Variants in SPEG observed in about 807,000 individuals in gnomAD.
SPEG encodes striated muscle preferentially expressed protein kinase.
In SPEG, 114 loss-of-function variants were observed where a neutral mutation model predicts 300.4. That is an observed-to-expected ratio of 0.38 (90% confidence interval 0.33 to 0.44). The LOEUF (loss-of-function observed/expected upper bound fraction) is 0.44. Ranked by LOEUF, SPEG falls within the 20% of genes least tolerant of loss-of-function variation. SPEG has a pLI of 1.00. For synonymous variants in SPEG, 1,964 were observed against 2,018.9 expected, an observed-to-expected ratio of 0.97 and a Z score of 0.73; for missense variants, 4,201 against 4,586.2, an observed-to-expected ratio of 0.92 and a Z score of 2.43.
At chr2:219,438,034 C>T (rs185650199) in intron 1 of SPEG, among the ~76,000 whole-genome samples, 86 of 152,030 alleles carry the variant, frequency 5.7e-4, no homozygotes, top group African/African-American at 2.0e-3. Context: ...TATGTTAGCT[C>T]AAGGATGGAA....
rs563334739 is a variant in SPEG at position 219,445,619 on chromosome 2, C to T, written c.815+458C>T. 5.7e-4 allele frequency: 105 copies of T among 183,546 alleles called. No homozygotes were observed. Among genetic ancestry groups the T allele is most frequent in the African/African-American group, 2.4e-3 (101 of 41,884 alleles). The allele number at this position is 183,546 out of a possible 1,614,324, so 11.4% of individuals were successfully genotyped here. Reference sequence around the variant, plus strand: ...CTGGGAGGAACAGAACCTTTCCACACGGCAGCTCCCGGGAGAGCAGGAGAG... The same window carrying T: ...CTGGGAGGAACAGAACCTTTCCACATGGCAGCTCCCGGGAGAGCAGGAGAG... On this transcript the variant is annotated intron_variant, in intron 3 of 40. Transcript: ENST00000312358. This position sits in a 1 kb window ranked among gnomAD's most constrained non-coding sequence, Gnocchi z 6.1.
intron 29 of SPEG, 116 bp from the exon 30 acceptor site, chr2:219,482,982 G>A (rs1692997421): frequency 1.4e-6 from 2 of 1,420,432 alleles, no homozygotes; most frequent in African/African-American, 1.4e-5. Flanking sequence ...CTAGCTTCCT[G>A]CCTGTTCCCT....
At position 219,448,853 on chromosome 2, in the gene SPEG, G is replaced by C. The variant is rs1689519709; in HGVS notation, c.1695G>C (p.Gly565=). The C allele has an allele frequency of 1.4e-6, 2 of 1,402,182 alleles. No individual in the cohort carries two copies. Among genetic ancestry groups the C allele is most frequent in the Admixed American group, 3.3e-5 (1 of 30,568 alleles). 86.9% of individuals were successfully genotyped at this position (1,402,182 alleles called of 1,614,324 possible). A position where few individuals can be genotyped will look rare whatever the true frequency, so the allele number is the denominator to read the frequency against. Residue 565 remains glycine, a synonymous_variant, in exon 4 of 41, where the codon GGG becomes GGC. Coordinates refer to ENST00000312358, the MANE Select transcript of SPEG (RefSeq NM_005876.5). ...CTCCGAGCAGCGCGGAGAAGCCGGG[G>C]GACGAGCCTGGGAGGCCCAGGAGCC... ...PPSPSSAEKP[G]DEPGRPRSRG...
In SPEG at chr2:219,451,631, G is replaced by T; in HGVS notation, c.2264G>T (p.Trp755Leu). The T allele has an allele frequency of 6.4e-7, 1 of 1,561,704 alleles. No homozygotes were observed. Residue 755 changes from tryptophan (W) to leucine (L), a missense_variant, in exon 6 of 41, where the codon TGG becomes TTG. Physicochemically the swap from Trp to Leu is moderately conservative, Grantham distance 61. Around this residue, in one of 4 missense-constraint regions of SPEG, gnomAD observed 1,258 missense variants for 1,293.9 expected, o/e 0.97. Coordinates refer to ENST00000312358, the MANE Select transcript of SPEG (RefSeq NM_005876.5). The surrounding 1 kb of genome is among the most constrained non-coding windows in gnomAD (Gnocchi z 6.4). ...ITANPPPQVS[W>L]HKDGSALRSE... ...TCCCTGTGCCTCCCCACAGTGTCCT[G>T]GCACAAGGATGGGTCAGCGCTGCGC...
At position 219,460,373 on chromosome 2, in the gene SPEG, G is replaced by T. The variant is rs1298189720; in HGVS notation, c.2441-1509G>T. The T allele has an allele frequency of 5.1e-6, 5 of 985,338 alleles. No individual in the cohort carries two copies. The African/African-American group carries it at 8.7e-5, about 17-fold the overall frequency. 61.0% of individuals were successfully genotyped at this position (985,338 alleles called of 1,614,324 possible). ...CTCGTTAGCGCATTCCCCGGTCAGG[G>T]ATCTTGGTGGTTCCGTCAGAGCAAG... On this transcript the variant is annotated intron_variant, in intron 6 of 40. Transcript: ENST00000312358.
chr2:219,468,583 C>T lies in SPEG; in HGVS notation c.3148C>T (p.Leu1050=). Residue 1050 remains leucine, a synonymous_variant, in exon 11 of 41, where the codon CTG becomes TTG. Transcript: ENST00000312358. The part of the protein sequence containing the change: ...TCKLSTAKDE[L]TCSARLTVRP... ...AGCTGCCCCCTGCCCCACAGATGAG[C>T]TGACCTGCAGTGCCCGGCTGACCGT... is the stretch of plus-strand genomic sequence containing the variant. 2 of 1,612,312 alleles carry T rather than the reference C, an allele frequency of 1.2e-6. No individual in the cohort carries two copies. Among genetic ancestry groups the T allele is most frequent in the Non-Finnish European group, 1.7e-6 (2 of 1,179,804 alleles).
Position 219,445,094 on chromosome 2 carries a change from T to C in SPEG, c.748T>C (p.Ser250Pro). ...AAGCTGGGGGTCAGAGGATAGCCTT[T>C]CCGTGGCCAGTGACCTGTACGGCAG... ...GASWGSEDSL[S>P]VASDLYGSAF... is the part of the protein sequence containing the mutation. The change falls in exon 3 of 41, where the codon TCC (serine) becomes CCC (proline). Residue 250 changes from serine to proline, a missense_variant. Coordinates refer to ENST00000312358, the MANE Select transcript of SPEG (RefSeq NM_005876.5). This position sits in a 1 kb window ranked among gnomAD's most constrained non-coding sequence, Gnocchi z 6.1. 2 of 1,602,732 alleles carry C rather than the reference T, an allele frequency of 1.2e-6. No individual in the cohort carries two copies. Among genetic ancestry groups the C allele is most frequent in the East Asian group, 2.3e-5 (1 of 44,154 alleles).
In SPEG at chr2:219,461,395, G is replaced by C. The variant is rs1171134873; in HGVS notation, c.2441-487G>C. 3 of 1,002,420 alleles carry C rather than the reference G, an allele frequency of 3.0e-6. No individual in the cohort carries two copies. The African/African-American group carries it at 5.2e-5, about 17-fold the overall frequency. The allele number at this position is 1,002,420 out of a possible 1,614,324, so 62.1% of individuals were successfully genotyped here. A position where few individuals can be genotyped will look rare whatever the true frequency, so the allele number is the denominator to read the frequency against. ...CTCATTGGCCCTGGACCGAGGTCGGGATGTGACTTGTCTGCGGTGTGTGTT... is the reference window on the plus strand; with the variant it reads ...CTCATTGGCCCTGGACCGAGGTCGGCATGTGACTTGTCTGCGGTGTGTGTT... On this transcript the variant is annotated intron_variant, in intron 6 of 40. Transcript: ENST00000312358.
intron 38 of SPEG, 26 bp downstream of exon 38, chr2:219,490,982 G>T (rs1353004788): frequency 1.9e-6 from 3 of 1,588,140 alleles, no homozygotes; most frequent in Admixed American, 1.7e-5. Context: ...GCCAGCCAGG[G>T]TGGGGACAGG....
chr2:219,441,866 G>A (rs1048031476), intron 1 of SPEG: 3 of 206,104 alleles, frequency 1.5e-5, no homozygotes, highest in South Asian at 8.2e-5. Flanking sequence ...CAGCGCCGCC[G>A]CCGCCGCTGC....
At position 219,443,867 on chromosome 2, in the gene SPEG, G is replaced by T; in HGVS notation, c.389-786G>T. On this transcript the variant is annotated intron_variant, in intron 1 of 40. Coordinates refer to ENST00000312358, the MANE Select transcript of SPEG (RefSeq NM_005876.5). The surrounding 1 kb of genome is among the most constrained non-coding windows in gnomAD (Gnocchi z 4.6). ...CAAGTATGGGGGTCCCCAGTGCTGG[G>T]CACATCCCAGGTATCTCCCTCCCCA... 2.0e-6 allele frequency: 1 copy of T among 493,404 alleles called. No individual in the cohort carries two copies. Among genetic ancestry groups the T allele is most frequent in the South Asian group, 1.7e-5 (1 of 60,452 alleles). The allele number at this position is 493,404 out of a possible 1,614,324, so 30.6% of individuals were successfully genotyped here.
At position 219,467,206 on chromosome 2, in the gene SPEG, G is replaced by GC. The variant is rs1306073898; in HGVS notation, c.2920dup (p.Leu974ProfsTer15). Reference sequence around the variant, plus strand: ...TGAAAGCCGGTCCCTGGCCGTGCTGGCCCCCCTGCAGGACGTGGACGTGGG... The same window carrying GC: ...TGAAAGCCGGTCCCTGGCCGTGCTGGCCCCCCCTGCAGGACGTGGACGTGGG... On this transcript the variant is annotated frameshift_variant, in exon 10 of 41. Transcript: ENST00000312358. LOFTEE classifies it high-confidence loss of function. The GC allele has an allele frequency of 6.3e-7, 1 of 1,591,760 alleles. No individual in the cohort carries two copies. The highest frequency in any genetic ancestry group is 8.5e-7 in the Non-Finnish European group (1 of 1,169,960).
chr2:219,461,610 C>A, intron 6 of SPEG: 3 of 1,052,296 alleles, frequency 2.9e-6, no homozygotes, highest in Non-Finnish European at 3.8e-6. Context: ...CCCTCTGCTG[C>A]CCGAACCCTT....
chr2:219,469,342 C>T lies in SPEG; in HGVS notation c.3678C>T (p.His1226=), dbSNP rs1388099213. 4 of 1,613,734 alleles carry T rather than the reference C, an allele frequency of 2.5e-6. No homozygotes were observed. The Admixed American group carries it at 6.7e-5, about 27-fold the overall frequency. Residue 1226 remains histidine (H), a synonymous_variant, in exon 13 of 41, where the codon CAC becomes CAT. Coordinates refer to ENST00000312358, the MANE Select transcript of SPEG (RefSeq NM_005876.5). ...YPTISWFHNG[H]RIQSSDDRRM... is the part of the protein sequence containing the mutation. Reference sequence around the variant, plus strand: ...CCATCAGCTGGTTCCACAATGGCCACCGCATCCAGAGCAGCGACGACCGGC... The same window carrying T: ...CCATCAGCTGGTTCCACAATGGCCATCGCATCCAGAGCAGCGACGACCGGC...
At chr2:219,437,911 C>T (rs1374526807) in intron 1 of SPEG, among the ~76,000 whole-genome samples, 1 of 152,110 alleles carries the variant, frequency 6.6e-6, no homozygotes, top group Non-Finnish European at 1.5e-5. Context: ...TCAGGGTACT[C>T]GAGGAAGCCA....
Position 219,483,433 on chromosome 2 carries a change from G to T in SPEG, c.5970G>T (p.Glu1990Asp). The change falls in exon 30 of 41, where the codon GAG becomes GAT. Residue 1990 changes from glutamate to aspartate, a missense_variant. Glu to Asp is a conservative substitution (Grantham distance 45). This residue lies in a region of SPEG where 1,578 missense variants were observed against 1,506.0 expected (regional missense o/e 1.05). Transcript: ENST00000312358. ...AGGACCAGGAGGCTCCCAGCCCAGA[G>T]GCCCTCCCCTCCCCAGGCCAGGAGC... The part of the protein sequence containing the change: ...PSQDQEAPSP[E>D]ALPSPGQEPA... 1 of 1,560,136 alleles carries T rather than the reference G, an allele frequency of 6.4e-7. No homozygotes were observed. Among genetic ancestry groups the T allele is most frequent in the Non-Finnish European group, 8.6e-7 (1 of 1,160,498 alleles).
intron 37 of SPEG, 41 bp from the exon 38 acceptor site, chr2:219,490,692 G>A (rs1693893516): frequency 1.2e-6 from 2 of 1,610,484 alleles, no homozygotes; most frequent in Admixed American, 1.7e-5. Context: ...AGGTAGGGGA[G>A]GCTGGGCCGG....
chr2:219,468,370 T>C (rs1297012138), intron 10 of SPEG, among the ~76,000 whole-genome samples: 4 of 152,106 alleles, frequency 2.6e-5, no homozygotes. Flanking sequence ...CAGCCCACCA[T>C]GGCAGTCTGC....
intron 13 of SPEG, 60 bp from the exon 14 acceptor site, chr2:219,471,808 G>A: frequency 5.0e-6 from 8 of 1,604,900 alleles, no homozygotes; most frequent in Non-Finnish European, 6.8e-6. Context: ...GATGGCATGG[G>A]CCTACCCCTC....
Sources: allele counts gnomAD v4.1 joint callset (sites outside exome capture counted in the v4.1 genomes callset), GRCh38; gene constraint gnomAD v4.1.1; regional missense constraint gnomAD v4.1.1; non-coding constraint Gnocchi (gnomAD v3.1); transcripts MANE v1.5; gene names NCBI Gene and HGNC (gene_info 2026-07-23, HGNC 2026-07-21).